Variants in ZNF17 observed in about 807,000 individuals in gnomAD.
ZNF17 encodes zinc finger protein 17, also known as zinc finger protein 17 (HPF3, KOX 10).
ZNF17 carries 4 observed loss-of-function variants against 7.7 expected under a neutral mutation model. The ratio of observed to expected loss-of-function variants is 0.52; its 90% CI spans 0.26 to 1.20. The LOEUF (loss-of-function observed/expected upper bound fraction) is 1.20, where lower values mean the gene tolerates loss of function less well. Ranked by LOEUF, ZNF17 falls within the 50% of genes most tolerant of loss-of-function variation. The pLI is 0.14. For synonymous variants in ZNF17, 249 were observed against 258.8 expected, an observed-to-expected ratio of 0.96 and a Z score of 0.36; for missense variants, 738 against 799.5, an observed-to-expected ratio of 0.92 and a Z score of 0.93.
intron 1 of ZNF17, 42 bp from the exon 2 acceptor site, chr19:57,413,554 T>G: frequency 1.3e-6 from 2 of 1,534,622 alleles, no homozygotes; most frequent in Non-Finnish European, 1.7e-6. Flanking sequence ...TGTAGGATGC[T>G]GCAATGCTGT....
At position 57,417,980 on chromosome 19, in the gene ZNF17, T is replaced by C. The variant is rs763417537; in HGVS notation, c.90T>C (p.Val30=). 2 of 1,614,050 alleles carry C rather than the reference T, an allele frequency of 1.2e-6. No homozygotes were observed. Among genetic ancestry groups the C allele is most frequent in the Admixed American group, 3.3e-5 (2 of 59,988 alleles). ...AGGAGTGGGGAATTCTTAATGACGT[T>C]CAGAGACACCTGCACAGCGATGTGA... ...SQEEWGILND[V]QRHLHSDVML... is the part of the protein sequence containing the mutation. Residue 30 remains valine (V), a synonymous_variant, in exon 3 of 4, where the codon GTT becomes GTC. Coordinates refer to ENST00000307658, the MANE Select transcript of ZNF17 (RefSeq NM_001330617.2).
chr19:57,413,694 T>G (rs1600093091), intron 2 of ZNF17, 58 bp downstream of exon 2: 22 of 1,520,696 alleles, frequency 1.4e-5, no homozygotes, highest in Non-Finnish European at 1.9e-5. Context: ...CATGCTGATA[T>G]AGGGAATGGT....
At chr19:57,415,175 G>A (rs1477522996) in intron 2 of ZNF17, among the ~76,000 whole-genome samples, 1 of 152,124 alleles carries the variant, frequency 6.6e-6, no homozygotes, top group African/African-American at 2.4e-5. Context: ...AGGGGTGGGT[G>A]GCTTCTGTAG....
chr19:57,412,631 A>C, intron 1 of ZNF17, among the ~76,000 whole-genome samples: 1 of 151,658 alleles, frequency 6.6e-6, no homozygotes. Context: ...TTTTTAGTAG[A>C]GACGGGGTTT....
At chr19:57,414,206 G>A (rs1264043512) in intron 2 of ZNF17, among the ~76,000 whole-genome samples, 1 of 151,904 alleles carries the variant, frequency 6.6e-6, no homozygotes, top group African/African-American at 2.4e-5. Context: ...GCTAATTTTT[G>A]TATTTTTTAG....
At chr19:57,418,641 A>T (rs1173627350) in intron 3 of ZNF17, among the ~76,000 whole-genome samples, 2 of 152,122 alleles carry the variant, frequency 1.3e-5, no homozygotes, top group Admixed American at 1.3e-4. Flanking sequence ...ACATTACTCC[A>T]TTGAAGGCAA....
In ZNF17 at chr19:57,419,724, T is replaced by G. The variant is rs1325991554; in HGVS notation, c.238T>G (p.Leu80Val). The change falls in exon 4 of 4, where the codon TTG (leucine) becomes GTG (valine). Residue 80 changes from leucine (L) to valine (V), a missense_variant. Leu to Val is a conservative substitution (Grantham distance 32, BLOSUM62 1). This residue lies in a region of ZNF17 where 616 missense variants were observed against 663.9 expected (regional missense o/e 0.93). Coordinates refer to ENST00000307658, the MANE Select transcript of ZNF17 (RefSeq NM_001330617.2). ...VSQVTTLKPA[L>V]STQKAQPCET... ...ACAGGTCACAACTTTAAAGCCAGCTTTGTCCACCCAGAAGGCCCAGCCCTG... is the reference window on the plus strand; with the variant it reads ...ACAGGTCACAACTTTAAAGCCAGCTGTGTCCACCCAGAAGGCCCAGCCCTG... 1 of 1,614,208 alleles carries G rather than the reference T, an allele frequency of 6.2e-7. No individual in the cohort carries two copies. Among genetic ancestry groups the G allele is most frequent in the Admixed American group, 1.7e-5 (1 of 60,022 alleles).
intron 2 of ZNF17, among the ~76,000 whole-genome samples, chr19:57,416,661 C>T (rs530625812): frequency 6.6e-5 from 10 of 152,260 alleles, no homozygotes; most frequent in African/African-American, 2.4e-4. Context: ...AGGTGCCTGC[C>T]ACCATGCCCG....
At chr19:57,412,248 G>A (rs1454841946) in intron 1 of ZNF17, among the ~76,000 whole-genome samples, 1 of 152,086 alleles carries the variant, frequency 6.6e-6, no homozygotes, top group African/African-American at 2.4e-5. Flanking sequence ...CCACTCTGTG[G>A]AACAATAGGA....
At chr19:57,413,993 C>G (rs2088794908) in intron 2 of ZNF17, among the ~76,000 whole-genome samples, 7 of 152,134 alleles carry the variant, frequency 4.6e-5, no homozygotes, top group Admixed American at 4.6e-4. Context: ...ATGCAGGGAT[C>G]AGGCATGGAA....
At chr19:57,414,889 A>G (rs2088802046) in intron 2 of ZNF17, among the ~76,000 whole-genome samples, 1 of 149,742 alleles carries the variant, frequency 6.7e-6, no homozygotes, top group African/African-American at 2.5e-5. Context: ...TTTTTTTTGT[A>G]TTTTTTAGTA....
At chr19:57,414,322 C>T (rs2088797685) in intron 2 of ZNF17, among the ~76,000 whole-genome samples, 2 of 151,652 alleles carry the variant, frequency 1.3e-5, no homozygotes, top group African/African-American at 4.8e-5. Context: ...GCTTGAGCCA[C>T]CACACCTGGC....
chr19:57,421,000 G>T lies in ZNF17; in HGVS notation c.1514G>T (p.Cys505Phe). ...TGERPFECSI[C>F]GKSFRCRSTL... ...GAAAGACCTTTTGAATGCAGCATTTGTGGGAAATCCTTTAGATGTCGCTCC... is the reference window on the plus strand; with the variant it reads ...GAAAGACCTTTTGAATGCAGCATTTTTGGGAAATCCTTTAGATGTCGCTCC... Residue 505 changes from cysteine (C) to phenylalanine (F), a missense_variant, in exon 4 of 4, where the codon TGT (cysteine) becomes TTT (phenylalanine). Cys to Phe is a radical substitution (Grantham distance 205). Transcript: ENST00000307658. 6.2e-7 allele frequency: 1 copy of T among 1,614,166 alleles called. No homozygotes were observed. Among genetic ancestry groups the T allele is most frequent in the South Asian group, 1.1e-5 (1 of 91,086 alleles).
At position 57,420,207 on chromosome 19, in the gene ZNF17, A is replaced by C. The variant is rs200262688; in HGVS notation, c.721A>C (p.Asn241His). 1.6e-4 allele frequency: 252 copies of C among 1,613,094 alleles called. No individual in the cohort carries two copies. The highest frequency in any genetic ancestry group is 1.9e-4 in the Non-Finnish European group (229 of 1,179,152). ...CTCCGACCTTATTAAACATCAGCGA[A>C]ATCATACTGGAGAAAGGCCTTATAA... ...YNSDLIKHQRNHTGERPYKCS... is the reference protein window; with the variant it reads ...YNSDLIKHQRHHTGERPYKCS... Residue 241 changes from asparagine to histidine, a missense_variant, in exon 4 of 4, where the codon AAT becomes CAT. Asn to His is a moderately conservative substitution (Grantham distance 68). Around this residue, in one of 3 missense-constraint regions of ZNF17, gnomAD observed 616 missense variants for 663.9 expected, o/e 0.93. Coordinates refer to ENST00000307658, the MANE Select transcript of ZNF17 (RefSeq NM_001330617.2).
At chr19:57,416,557 A>T (rs2088812558) in intron 2 of ZNF17, among the ~76,000 whole-genome samples, 1 of 151,494 alleles carries the variant, frequency 6.6e-6, no homozygotes, top group Admixed American at 6.6e-5. Flanking sequence ...GTTGCCCAGG[A>T]TGGAGTGCAG....
At chr19:57,415,894 G>A (rs2088808525) in intron 2 of ZNF17, among the ~76,000 whole-genome samples, 1 of 152,116 alleles carries the variant, frequency 6.6e-6, no homozygotes, top group Non-Finnish European at 1.5e-5. Context: ...CGAACTCTGA[G>A]ACTATTTTGG....
Position 57,421,513 on chromosome 19 carries a change from C to G in ZNF17, c.*32C>G. 6.5e-7 allele frequency: 1 copy of G among 1,544,312 alleles called. No individual in the cohort carries two copies. Among genetic ancestry groups the G allele is most frequent in the Non-Finnish European group, 8.7e-7 (1 of 1,147,406 alleles). ...TATATATAAAGCAGATGGGGAAAGA[C>G]TTCACACAGAAATCTACTCTGATTT... is the stretch of plus-strand genomic sequence containing the variant. On this transcript the variant is annotated 3_prime_UTR_variant, in exon 4 of 4. Coordinates refer to ENST00000307658, the MANE Select transcript of ZNF17 (RefSeq NM_001330617.2).
chr19:57,415,288 G>C (rs982128247), intron 2 of ZNF17, among the ~76,000 whole-genome samples: 5 of 152,182 alleles, frequency 3.3e-5, no homozygotes, highest in Non-Finnish European at 5.9e-5. Flanking sequence ...TTTTGGCCTT[G>C]TTGAGAAGGT....
chr19:57,417,787 C>T lies in ZNF17; in HGVS notation c.22-125C>T, dbSNP rs1188362604. 9.3e-6 allele frequency: 11 copies of T among 1,187,608 alleles called. No homozygotes were observed. In the East Asian group the frequency reaches 2.5e-4, roughly 27 times the overall value. The allele number at this position is 1,187,608 out of a possible 1,614,324, so 73.6% of individuals were successfully genotyped here. On this transcript the variant is annotated intron_variant, in intron 2 of 3. Transcript: ENST00000307658. ...ACTTGAATCCGGGAGGCGGAGCTTGCAGTGAGCCGAGATCACACCACTGCA... is the reference window on the plus strand; with the variant it reads ...ACTTGAATCCGGGAGGCGGAGCTTGTAGTGAGCCGAGATCACACCACTGCA...
Sources: gnomAD v4.1 joint callset for allele counts (sites outside exome capture counted in the v4.1 genomes callset) on GRCh38, gnomAD v4.1.1 for gene constraint, gnomAD v4.1.1 regional missense constraint, MANE v1.5 for transcripts, NCBI Gene and HGNC (gene_info 2026-07-23, HGNC 2026-07-21) for gene names.